The following MYH15 variants were observed in gnomAD, a reference collection of about 807,000 sequenced individuals.
MYH15 encodes myosin heavy chain 15.
A neutral mutation model predicts 240.5 loss-of-function variants in MYH15; 227 were observed. The observed-to-expected ratio is 0.94, with a 90% confidence interval of 0.85 to 1.05. The LOEUF (loss-of-function observed/expected upper bound fraction) is 1.05, where lower values mean the gene tolerates loss of function less well. MYH15 is among the 50% of genes least tolerant of loss of function. The pLI, the probability that MYH15 is intolerant of heterozygous loss-of-function variation, is 0.00. For missense variants in MYH15, 2,217 were observed against 2,247.5 expected, an observed-to-expected ratio of 0.99 and a Z score of 0.27; for synonymous variants, 785 against 796.7, an observed-to-expected ratio of 0.99 and a Z score of 0.25.
At chr3:108,502,532 G>C (rs889450741) in intron 2 of MYH15, among the ~76,000 whole-genome samples, 2 of 151,950 alleles carry the variant, frequency 1.3e-5, no homozygotes, top group Non-Finnish European at 2.9e-5. Flanking sequence ...AATAACTATA[G>C]TTATTAAATA....
At chr3:108,472,698 G>T (rs748649089) in intron 12 of MYH15, among the ~76,000 whole-genome samples, 18 of 152,146 alleles carry the variant, frequency 1.2e-4, no homozygotes, top group Admixed American at 1.2e-3. Flanking sequence ...GGTCAGGTGT[G>T]GCAAGTAGTG....
At chr3:108,401,854 G>A (rs2082508330) in intron 33 of MYH15, among the ~76,000 whole-genome samples, 1 of 152,148 alleles carries the variant, frequency 6.6e-6, no homozygotes, top group African/African-American at 2.4e-5. Flanking sequence ...ACAGAGTCAA[G>A]AAATCTTTAA....
intron 4 of MYH15, among the ~76,000 whole-genome samples, chr3:108,499,882 T>A (rs2083423037): frequency 6.6e-6 from 1 of 152,220 alleles, no homozygotes; most frequent in Non-Finnish European, 1.5e-5. Flanking sequence ...GGCCAGCCAC[T>A]GGGCCGAGCA....
At chr3:108,448,192 CAGAA>C (rs2082943888) in intron 21 of MYH15, among the ~76,000 whole-genome samples, 1 of 152,002 alleles carries the variant, frequency 6.6e-6, no homozygotes, top group African/African-American at 2.4e-5. Context: ...CAAAGGAAGA[CAGAA>C]AGAAACAATT....
At chr3:108,505,267 T>TTTTG (rs200668128) in intron 2 of MYH15, among the ~76,000 whole-genome samples, 3,525 of 152,234 alleles carry the variant, frequency 0.023, 46 homozygotes, top group Non-Finnish European at 0.034. Context: ...AGTGGAGTTT[T>TTTTG]TTTGTTTGTT....
upstream of MYH15, among the ~76,000 whole-genome samples, chr3:108,533,074 TG>T (rs1227153785): frequency 2.6e-5 from 4 of 152,088 alleles, no homozygotes; most frequent in East Asian, 5.8e-4. Context: ...CTTTTGTGAC[TG>T]TACTTTCATT....
intron 31 of MYH15, 77 bp downstream of exon 31, chr3:108,410,506 A>G: frequency 9.8e-7 from 1 of 1,018,434 alleles, no homozygotes; most frequent in Non-Finnish European, 1.4e-6. Context: ...GAAAATGCTG[A>G]AGACAGCCTT....
chr3:108,479,507 C>T (rs1283405083), intron 11 of MYH15, among the ~76,000 whole-genome samples: 2 of 152,204 alleles, frequency 1.3e-5, no homozygotes, highest in Non-Finnish European at 1.5e-5. Context: ...TAGTCCTCAA[C>T]TTTGACTGCA....
At chr3:108,414,557 T>A in intron 29 of MYH15, 129 bp from the exon 30 acceptor site, 1 of 731,246 alleles carries the variant, frequency 1.4e-6, no homozygotes, top group South Asian at 2.0e-5. Flanking sequence ...AACCTGAACC[T>A]AGTAAGATAA....
At chr3:108,473,070 C>T (rs908429483) in intron 12 of MYH15, among the ~76,000 whole-genome samples, 4 of 152,164 alleles carry the variant, frequency 2.6e-5, no homozygotes, top group Admixed American at 6.5e-5. Context: ...TACAATGGCA[C>T]GATCTCAGCT....
intron 24 of MYH15, among the ~76,000 whole-genome samples, chr3:108,438,172 T>G (rs887565621): frequency 2.0e-5 from 3 of 152,162 alleles, no homozygotes; most frequent in African/African-American, 7.2e-5. Flanking sequence ...CCTTAATAAT[T>G]TGCAAGAACC....
At position 108,499,495 on chromosome 3, in the gene MYH15, G is replaced by T. The variant is rs1342902295; in HGVS notation, c.497-13C>A. 1 of 1,611,230 alleles carries T rather than the reference G, an allele frequency of 6.2e-7. No individual in the cohort carries two copies. The highest frequency in any genetic ancestry group is 8.5e-7 in the Non-Finnish European group (1 of 1,178,194). Reference sequence around the variant, plus strand: ...TGATTTTCTCGATCTACAAAAGAAAGAAAAATGCCAGAATATTCTTATATT... The same window carrying T: ...TGATTTTCTCGATCTACAAAAGAAATAAAAATGCCAGAATATTCTTATATT... On this transcript the variant is annotated splice_polypyrimidine_tract_variant and intron_variant, in intron 4 of 40. Coordinates refer to ENST00000693548, the MANE Select transcript of MYH15 (RefSeq NM_014981.3).
At position 108,384,753 on chromosome 3, in the gene MYH15, C is replaced by T; in HGVS notation, c.5565G>A (p.Arg1855=). 4 of 1,613,834 alleles carry T rather than the reference C, an allele frequency of 2.5e-6. No homozygotes were observed. Among genetic ancestry groups the T allele is most frequent in the Non-Finnish European group, 3.4e-6 (4 of 1,179,862 alleles). Reference sequence around the variant, plus strand: ...GAAGTTTATCCATCTGAGTTTGCATCCTGCTCAGATTCTTCTTGTCTTCCT... The same window carrying T: ...GAAGTTTATCCATCTGAGTTTGCATTCTGCTCAGATTCTTCTTGTCTTCCT... ...QAEEDKKNLS[R]MQTQMDKLQL... is the part of the protein sequence containing the mutation. Residue 1855 remains arginine, a synonymous_variant, in exon 39 of 41, where the codon AGG becomes AGA. Transcript: ENST00000693548.
chr3:108,401,994 C>T (rs1172417960), intron 33 of MYH15, among the ~76,000 whole-genome samples: 1 of 152,060 alleles, frequency 6.6e-6, no homozygotes, highest in Admixed American at 6.6e-5. Flanking sequence ...AAAGAAAAAT[C>T]AAGATGATAG....
the MYH15 span, among the ~76,000 whole-genome samples, chr3:108,547,425 G>A: frequency 6.6e-6 from 1 of 151,868 alleles, no homozygotes; most frequent in Non-Finnish European, 1.5e-5. Context: ...TAATCACTGA[G>A]AGCCAAGGTA....
the MYH15 span, among the ~76,000 whole-genome samples, chr3:108,544,958 T>C: frequency 6.6e-6 from 1 of 152,154 alleles, no homozygotes; most frequent in Non-Finnish European, 1.5e-5. Context: ...ACATATTGTT[T>C]TACCACTAAA....
chr3:108,531,314 A>C (rs941966487), upstream of MYH15, among the ~76,000 whole-genome samples: 7 of 152,210 alleles, frequency 4.6e-5, no homozygotes, highest in African/African-American at 1.4e-4. Flanking sequence ...TCCTTTGAGA[A>C]GGGCAGGGTG....
chr3:108,536,928 C>G, the MYH15 span, among the ~76,000 whole-genome samples: 10 of 151,798 alleles, frequency 6.6e-5, no homozygotes, highest in Non-Finnish European at 1.0e-4. Flanking sequence ...GCAGATCTCT[C>G]TTTTGAAGCT....
intron 1 of MYH15, among the ~76,000 whole-genome samples, chr3:108,516,234 T>A (rs2107261081): frequency 6.6e-6 from 1 of 152,350 alleles, no homozygotes; most frequent in South Asian, 2.1e-4. Context: ...TTATTATGCA[T>A]GTTTACTTTC....
Sources: gnomAD v4.1 joint callset for allele counts (sites outside exome capture counted in the v4.1 genomes callset) on GRCh38, gnomAD v4.1.1 for gene constraint, MANE v1.5 for transcripts, NCBI Gene and HGNC (gene_info 2026-07-23, HGNC 2026-07-21) for gene names.